DNAH2: variants seen among roughly 807,000 people sequenced by gnomAD.
The protein encoded by DNAH2 is axonemal beta dynein heavy chain 2.
A neutral mutation model predicts 523.5 loss-of-function variants in DNAH2; 323 were observed. The observed-to-expected ratio is 0.62, with a 90% CI of 0.56 to 0.68. The LOEUF is 0.68. DNAH2 is among the 30% of genes least tolerant of loss of function. DNAH2 has a pLI of 0.00. For synonymous variants in DNAH2, 2,093 were observed against 2,177.4 expected, an observed-to-expected ratio of 0.96 and a Z score of 1.08; for missense variants, 4,907 against 5,701.5, an observed-to-expected ratio of 0.86 and a Z score of 4.49.
Position 7,788,017 on chromosome 17 carries a change from G to C in DNAH2, c.6741+20G>C, listed in dbSNP as rs930672639. The C allele has an allele frequency of 6.2e-7, 1 of 1,613,730 alleles. No individual in the cohort carries two copies. Among genetic ancestry groups the C allele is most frequent in the Non-Finnish European group, 8.5e-7 (1 of 1,179,790 alleles). On this transcript the variant is annotated intron_variant, in intron 43 of 85. Coordinates refer to ENST00000572933, the MANE Select transcript of DNAH2 (RefSeq NM_020877.5). ...CCAAAGGTATGAAGGGAACTGAGGAGAGGGAAAGTAACCAGGGTGGCTCCA... is the reference window on the plus strand; with the variant it reads ...CCAAAGGTATGAAGGGAACTGAGGACAGGGAAAGTAACCAGGGTGGCTCCA...
chr17:7,808,674 A>G (rs576891844), intron 63 of DNAH2, among the ~76,000 whole-genome samples: 4 of 152,226 alleles, frequency 2.6e-5, no homozygotes, highest in Non-Finnish European at 5.9e-5. Context: ...CAGTGGCGCA[A>G]TCTCAGCTCA....
intron 28 of DNAH2, among the ~76,000 whole-genome samples, chr17:7,774,038 C>G (rs1469986204): frequency 6.6e-6 from 1 of 152,268 alleles, no homozygotes; most frequent in Non-Finnish European, 1.5e-5. Flanking sequence ...CCAGAAGATT[C>G]ATTCTTACTG....
chr17:7,833,292 A>AGCCCATCCCACACCCGCTCCT, intron 85 of DNAH2, 71 bp downstream of exon 85: 21 of 1,607,354 alleles, frequency 1.3e-5, no homozygotes, highest in Non-Finnish European at 1.8e-5. Flanking sequence ...TCTCTGCTCC[A>AGCCCATCCCACACCCGCTCCT]GCCCATCCCA....
intron 12 of DNAH2, among the ~76,000 whole-genome samples, chr17:7,753,454 G>A (rs2075746297): frequency 6.6e-6 from 1 of 152,134 alleles, no homozygotes; most frequent in African/African-American, 2.4e-5. Context: ...GAAGAACCTC[G>A]GGGAGTCCGC....
Position 7,819,382 on chromosome 17 carries a change from T to A in DNAH2, c.10989T>A (p.Asn3663Lys). The change falls in exon 72 of 86, where the codon AAT becomes AAA. Residue 3663 changes from asparagine (N) to lysine (K), a missense_variant. This residue lies in a region of DNAH2 where 1,851 missense variants were observed against 2,139.4 expected (regional missense o/e 0.87). Transcript: ENST00000572933. ...TGGAGGACCGCATTGACTACCTGAATGACTACCACACCTACGCTGTCTACA... is the reference window on the plus strand; with the variant it reads ...TGGAGGACCGCATTGACTACCTGAAAGACTACCACACCTACGCTGTCTACA... ...NKLEDRIDYLNDYHTYAVYRY... is the reference protein window; with the variant it reads ...NKLEDRIDYLKDYHTYAVYRY... 1 of 1,614,276 alleles carries A rather than the reference T, an allele frequency of 6.2e-7. No homozygotes were observed. The highest frequency in any genetic ancestry group is 8.5e-7 in the Non-Finnish European group (1 of 1,180,054).
Position 7,793,067 on chromosome 17 carries a change from C to G in DNAH2, c.7431C>G (p.Ser2477Arg). ...TCTACGTGCCATTCGGGGGCAAAAG[C>G]ATGATCACCTTTATGGATGACCTAA... ...KGVYVPFGGK[S>R]MITFMDDLNM... The change falls in exon 48 of 86, where the codon AGC (serine) becomes AGG (arginine). Residue 2477 changes from serine to arginine, a missense_variant. By Grantham distance (110) the Ser-to-Arg change is moderately radical. Around this residue, in one of 3 missense-constraint regions of DNAH2, gnomAD observed 2,806 missense variants for 3,190.8 expected, o/e 0.88. Transcript: ENST00000572933. 6.2e-7 allele frequency: 1 copy of G among 1,614,234 alleles called. No individual in the cohort carries two copies. Among genetic ancestry groups the G allele is most frequent in the Non-Finnish European group, 8.5e-7 (1 of 1,180,052 alleles).
chr17:7,742,876 C>CA lies in DNAH2; in HGVS notation c.1690-52_1690-51insA. ...TGTAGGTCTCAGGGAGATGGTGGCC[C>CA]CTGGAGGAAGGTGGCAGGCCGACTC... is the stretch of plus-strand genomic sequence containing the variant. On this transcript the variant is annotated intron_variant, in intron 11 of 85. Coordinates refer to ENST00000572933, the MANE Select transcript of DNAH2 (RefSeq NM_020877.5). 7.2e-6 allele frequency: 9 copies of CA among 1,246,850 alleles called. No individual in the cohort carries two copies. The South Asian group carries it at 1.0e-4, about 14-fold the overall frequency. 77.2% of individuals were successfully genotyped at this position (1,246,850 alleles called of 1,614,324 possible).
rs896909982 is a variant in DNAH2 at position 7,770,582 on chromosome 17, G to T, written c.4124G>T (p.Trp1375Leu). The change falls in exon 26 of 86, where the codon TGG (tryptophan) becomes TTG (leucine). Residue 1375 changes from tryptophan (W) to leucine (L), a missense_variant. Physicochemically the swap from Trp to Leu is moderately conservative, Grantham distance 61. Transcript: ENST00000572933. ...GCTTTACAAAACATTGCCAAGACCT[G>T]GGATGTGACTCAGCTCGACATAGTA... is the stretch of plus-strand genomic sequence containing the variant. ...EVALQNIAKTWDVTQLDIVPY... is the reference protein window; with the variant it reads ...EVALQNIAKTLDVTQLDIVPY... 6.2e-7 allele frequency: 1 copy of T among 1,614,126 alleles called. No homozygotes were observed. Among genetic ancestry groups the T allele is most frequent in the Non-Finnish European group, 8.5e-7 (1 of 1,180,032 alleles).
Position 7,805,406 on chromosome 17 carries a change from C to T in DNAH2, c.9442+13C>T. On this transcript the variant is annotated intron_variant, in intron 61 of 85. Coordinates refer to ENST00000572933, the MANE Select transcript of DNAH2 (RefSeq NM_020877.5). ...AAGAGGCAGCTAGGTAAGCTAGAGA[C>T]AATGAAATCAATGACTTCCACTCAC... 1.2e-6 allele frequency: 2 copies of T among 1,613,922 alleles called. No individual in the cohort carries two copies. Among genetic ancestry groups the T allele is most frequent in the Non-Finnish European group, 1.7e-6 (2 of 1,179,974 alleles).
At chr17:7,797,851 C>A in intron 53 of DNAH2, 22 bp downstream of exon 53, 1 of 1,592,928 alleles carries the variant, frequency 6.3e-7, no homozygotes, top group South Asian at 1.1e-5. Context: ...CCACGCCTAT[C>A]CCCTTCCCCA....
Position 7,760,676 on chromosome 17 carries a change from G to C in DNAH2, c.2786-64G>C. On this transcript the variant is annotated intron_variant, in intron 17 of 85. Transcript: ENST00000572933. The surrounding 1 kb of genome is among the most constrained non-coding windows in gnomAD (Gnocchi z 4.0). ...GTGGAAGGTCTGGAGCAGTGGGCAG[G>C]GCTCAGGCAGAAGTTGGGTTGGGGT... is the stretch of plus-strand genomic sequence containing the variant. 6.5e-7 allele frequency: 1 copy of C among 1,527,856 alleles called. No homozygotes were observed. Among genetic ancestry groups the C allele is most frequent in the Non-Finnish European group, 8.9e-7 (1 of 1,125,642 alleles). 94.6% of individuals were successfully genotyped at this position (1,527,856 alleles called of 1,614,324 possible).
intron 21 of DNAH2, 140 bp from the exon 22 acceptor site, chr17:7,766,178 C>T (rs535304577): frequency 4.4e-4 from 365 of 833,934 alleles, no homozygotes; most frequent in South Asian, 8.3e-4. Flanking sequence ...ATTCTTTCAA[C>T]GCGTTCCCTC....
chr17:7,793,462 TC>T (rs1359990942), intron 48 of DNAH2, among the ~76,000 whole-genome samples: 1 of 123,134 alleles, frequency 8.1e-6, no homozygotes, highest in African/African-American at 2.8e-5. Context: ...TTTCTTTCTT[TC>T]TTTCTTTCTT....
chr17:7,803,621 G>A (rs1433897332), intron 58 of DNAH2, among the ~76,000 whole-genome samples: 6 of 151,812 alleles, frequency 4.0e-5, no homozygotes, highest in Non-Finnish European at 8.8e-5. Flanking sequence ...AGTGAGCTGA[G>A]ATTGCATCAT....
rs370880902 is a variant in DNAH2, at chr17:7,737,970, A to G, written c.1170+712A>G. On this transcript the variant is annotated intron_variant, in intron 8 of 85. Transcript: ENST00000572933. ...TGGGGACTCCTTCTGCAGATGAGCA[A>G]TGAGATCATCCGCTTATGCTGCCAC... The G allele has an allele frequency of 6.0e-5, 42 of 703,024 alleles. No individual in the cohort carries two copies. The East Asian group carries it at 6.7e-4, about 11-fold the overall frequency. 43.5% of individuals were successfully genotyped at this position (703,024 alleles called of 1,614,324 possible).
At chr17:7,749,345 A>G (rs867522843) in intron 12 of DNAH2, among the ~76,000 whole-genome samples, 51 of 142,028 alleles carry the variant, frequency 3.6e-4, no homozygotes, top group East Asian at 1.0e-3. Flanking sequence ...AAAAAAAAAA[A>G]AAAGAAAGAA....
At chr17:7,749,308 C>CAAAAAAAA (rs57660603) in intron 12 of DNAH2, among the ~76,000 whole-genome samples, 1,204 of 17,750 alleles carry the variant, frequency 0.068, 555 homozygotes, top group Middle Eastern at 0.2. Context: ...AACTCCCCCC[C>CAAAAAAAA]AAAAAAAAAA....
rs887583513 is a variant in DNAH2 at position 7,718,308 on chromosome 17, T to C, written c.-506T>C. ...GATGGAGGAAGCCTCCTTGCTGTAG[T>C]TGGTTTTATTGATTTGCTGGCCTAA... is the stretch of plus-strand genomic sequence containing the variant. On this transcript the variant is annotated 5_prime_UTR_variant, in exon 1 of 86. Transcript: ENST00000572933. The C allele has an allele frequency of 2.0e-5, 3 of 152,164 alleles. No individual in the cohort carries two copies. Among genetic ancestry groups the C allele is most frequent in the Admixed American group, 6.5e-5 (1 of 15,274 alleles). The allele number at this position is 152,164 out of a possible 1,614,324, so 9.4% of individuals were successfully genotyped here. A position where few individuals can be genotyped will look rare whatever the true frequency, so the allele number is the denominator to read the frequency against.
intron 49 of DNAH2, among the ~76,000 whole-genome samples, chr17:7,796,045 A>ATTTT (rs377411281): frequency 1.9e-5 from 2 of 107,670 alleles, no homozygotes; most frequent in African/African-American, 3.5e-5. Context: ...TGAGTTTAGG[A>ATTTT]TTTTTTTTTT....
Sources: allele counts gnomAD v4.1 joint callset (sites outside exome capture counted in the v4.1 genomes callset), GRCh38; gene constraint gnomAD v4.1.1; regional missense constraint gnomAD v4.1.1; non-coding constraint Gnocchi (gnomAD v3.1); transcripts MANE v1.5; gene names NCBI Gene and HGNC (gene_info 2026-07-23, HGNC 2026-07-21).